Variants in IQGAP2 observed in about 807,000 individuals in gnomAD.
IQGAP2 encodes IQ motif containing GTPase activating protein 2.
In IQGAP2, 173 loss-of-function variants were observed where a neutral mutation model predicts 201.3. That is an observed-to-expected ratio of 0.86 (90% CI 0.76 to 0.98). The LOEUF is 0.98. Among genes scored for constraint, IQGAP2 ranks in the 50% least tolerant of loss-of-function variants. IQGAP2 has a pLI of 0.00. For synonymous variants in IQGAP2, 675 were observed against 673.9 expected, an observed-to-expected ratio of 1.00 and a Z score of -0.03; for missense variants, 1,687 against 1,864.8, an observed-to-expected ratio of 0.90 and a Z score of 1.76.
chr5:76,563,591 C>T (rs959362518), intron 3 of IQGAP2, among the ~76,000 whole-genome samples: 2 of 152,172 alleles, frequency 1.3e-5, no homozygotes, highest in African/African-American at 2.4e-5. Flanking sequence ...TAAAAGGCTC[C>T]TCCATTAGCA....
In IQGAP2 at chr5:76,403,932, G is replaced by T. The variant is rs1036640734; in HGVS notation, c.46+341G>T. ...GGAGTCCGCGGAGCTCCGGGTCGCC[G>T]CCGGCTTGGGCCAGGGGGTGGCGTA... On this transcript the variant is annotated intron_variant, in intron 1 of 35. Transcript: ENST00000274364. The surrounding 1 kb of genome is among the most constrained non-coding windows in gnomAD (Gnocchi z 4.8). Among the ~76,000 whole-genome samples, 1 of 152,176 alleles carries T rather than the reference G, an allele frequency of 6.6e-6. No individual in the cohort carries two copies. Among genetic ancestry groups the T allele is most frequent in the Non-Finnish European group, 1.5e-5 (1 of 68,014 alleles).
chr5:76,559,063 G>A (rs1040160532), intron 2 of IQGAP2, among the ~76,000 whole-genome samples: 2 of 152,234 alleles, frequency 1.3e-5, no homozygotes, highest in Middle Eastern at 6.8e-3. Context: ...ACCACGACCG[G>A]CTAATTTTTT....
At chr5:76,447,072 C>T (rs902337658) in intron 1 of IQGAP2, among the ~76,000 whole-genome samples, 2 of 152,180 alleles carry the variant, frequency 1.3e-5, no homozygotes, top group Non-Finnish European at 2.9e-5. Flanking sequence ...GGGGCATAGC[C>T]CAATTCAGCA....
intron 1 of IQGAP2, among the ~76,000 whole-genome samples, chr5:76,454,279 G>GAT (rs942437337): frequency 3.3e-5 from 5 of 151,218 alleles, no homozygotes; most frequent in African/African-American, 7.3e-5. Context: ...AAAGAAATTA[G>GAT]ATATATATAT....
chr5:76,702,649 C>A lies in IQGAP2; in HGVS notation c.4614+59C>A, dbSNP rs1044321026. On this transcript the variant is annotated intron_variant, in intron 35 of 35. Coordinates refer to ENST00000274364, the MANE Select transcript of IQGAP2 (RefSeq NM_006633.5). The stretch of plus-strand genomic sequence containing the variant: ...AATTTTATATGTGGATCATACATTG[C>A]TACCCTGGCTCTCTCTCTTCAGGAC... 2.8e-5 allele frequency: 22 copies of A among 782,684 alleles called. No homozygotes were observed. In the African/African-American group the frequency reaches 2.9e-4, roughly 10 times the overall value. 48.5% of individuals were successfully genotyped at this position (782,684 alleles called of 1,614,324 possible).
At chr5:76,558,207 G>A (rs1744083292) in intron 2 of IQGAP2, among the ~76,000 whole-genome samples, 1 of 151,920 alleles carries the variant, frequency 6.6e-6, no homozygotes, top group Admixed American at 6.6e-5. Context: ...TCATACTTCG[G>A]GGAGCTTTTA....
chr5:76,655,130 T>TG, intron 20 of IQGAP2, 127 bp downstream of exon 20: 1 of 649,478 alleles, frequency 1.5e-6, no homozygotes, highest in South Asian at 2.1e-5. Context: ...CAGTAGATTT[T>TG]GATCATCTCA....
At chr5:76,595,241 T>C (rs1450902370) in intron 9 of IQGAP2, among the ~76,000 whole-genome samples, 3 of 142,648 alleles carry the variant, frequency 2.1e-5, no homozygotes, top group Non-Finnish European at 4.6e-5. Context: ...TGCATTTCTT[T>C]GCTTTTTTTT....
intron 1 of IQGAP2, among the ~76,000 whole-genome samples, chr5:76,425,273 G>T (rs1285997515): frequency 1.3e-5 from 2 of 152,154 alleles, no homozygotes; most frequent in Non-Finnish European, 2.9e-5. Flanking sequence ...CCACTATTCT[G>T]GGAGACAGAT....
At chr5:76,618,510 A>C in intron 13 of IQGAP2, 1 of 1,614,156 alleles carries the variant, frequency 6.2e-7, no homozygotes, top group Non-Finnish European at 8.5e-7. Flanking sequence ...CTTAATTTTT[A>C]CAGTAATCGT....
intron 2 of IQGAP2, among the ~76,000 whole-genome samples, chr5:76,517,597 C>G (rs575867528): frequency 6.9e-6 from 1 of 144,386 alleles, no homozygotes; most frequent in Non-Finnish European, 1.5e-5. Flanking sequence ...AAAGTGAGAC[C>G]CTGTTTCAAA....
At chr5:76,475,709 G>A (rs1755375969) in intron 2 of IQGAP2, among the ~76,000 whole-genome samples, 1 of 152,130 alleles carries the variant, frequency 6.6e-6, no homozygotes, top group South Asian at 2.1e-4. Flanking sequence ...AACCTGTTTT[G>A]CTGGGATGGT....
Position 76,695,588 on chromosome 5 carries a change from G to A in IQGAP2, c.4128G>A (p.Arg1376=), listed in dbSNP as rs746149590. The change falls in exon 32 of 36, where the codon AGG becomes AGA. Residue 1376 remains arginine (R), a synonymous_variant. Transcript: ENST00000274364. The part of the protein sequence containing the change: ...PLEQKKRKIQ[R]NLRTLEQTGH... ...AGCAGAAGAAGAGGAAAATCCAGAG[G>A]AATCTTCGGACGTTGGAACAGACTG... 2 of 1,614,040 alleles carry A rather than the reference G, an allele frequency of 1.2e-6. No individual in the cohort carries two copies. Among genetic ancestry groups the A allele is most frequent in the African/African-American group, 2.7e-5 (2 of 74,918 alleles).
Position 76,552,112 on chromosome 5 carries a change from T to C in IQGAP2, c.147-10284T>C, listed in dbSNP as rs932646642. On this transcript the variant is annotated intron_variant, in intron 2 of 35. Coordinates refer to ENST00000274364, the MANE Select transcript of IQGAP2 (RefSeq NM_006633.5). Reference sequence around the variant, plus strand: ...CTTTAGGGACCATTCTTCCTTTTTCTTGAAGGATAATACATGCTCACACCC... The same window carrying C: ...CTTTAGGGACCATTCTTCCTTTTTCCTGAAGGATAATACATGCTCACACCC... Among the ~76,000 whole-genome samples, 4 of 152,192 alleles carry C rather than the reference T, an allele frequency of 2.6e-5. No homozygotes were observed. In the South Asian group the frequency reaches 8.3e-4, roughly 31 times the overall value.
At position 76,462,500 on chromosome 5, in the gene IQGAP2, A is replaced by C. The variant is rs568278554; in HGVS notation, c.146+831A>C. On this transcript the variant is annotated intron_variant, in intron 2 of 35. Coordinates refer to ENST00000274364, the MANE Select transcript of IQGAP2 (RefSeq NM_006633.5). Reference sequence around the variant, plus strand: ...TTTCCTCATGAGAGGAATTGAGAGAACTTTATCCTTTGTGGGGTGAATACT... The same window carrying C: ...TTTCCTCATGAGAGGAATTGAGAGACCTTTATCCTTTGTGGGGTGAATACT... Among the ~76,000 whole-genome samples, 12 of 152,328 alleles carry C rather than the reference A, an allele frequency of 7.9e-5. No homozygotes were observed. In the East Asian group the frequency reaches 2.3e-3, roughly 29 times the overall value.
rs567410789 is a variant in IQGAP2, at chr5:76,413,156, CTTTTTTTTTTTT to C, written c.46+9584_46+9595del. Among the ~76,000 whole-genome samples the C allele has an allele frequency of 3.9e-3, 324 of 83,620 alleles. 3 individuals are homozygous for C. Among genetic ancestry groups the C allele is most frequent in the South Asian group, 0.028 (64 of 2,312 alleles). The allele number at this position is 83,620 out of a possible 152,430, so 54.9% of individuals were successfully genotyped here. ...TATTTTCTTTTTTCTTTTCTTTTCT[CTTTTTTTTTTTT>C]TTTTTTTTTTTTTTTTTTGCGATGG... On this transcript the variant is annotated intron_variant, in intron 1 of 35. Coordinates refer to ENST00000274364, the MANE Select transcript of IQGAP2 (RefSeq NM_006633.5).
intron 5 of IQGAP2, among the ~76,000 whole-genome samples, chr5:76,579,173 AC>A (rs1489003524): frequency 1.3e-5 from 2 of 152,142 alleles, no homozygotes; most frequent in African/African-American, 4.8e-5. Flanking sequence ...ATTCTGTAAG[AC>A]CCATACTACA....
intron 1 of IQGAP2, among the ~76,000 whole-genome samples, chr5:76,430,238 CAG>C (rs1249814638): frequency 1.3e-5 from 1 of 78,908 alleles, no homozygotes; most frequent in Non-Finnish European, 2.9e-5. Context: ...GGAATCCAGA[CAG>C]GGCACAGTGG....
chr5:76,614,327 G>T (rs1381059228), intron 13 of IQGAP2, among the ~76,000 whole-genome samples: 1 of 152,118 alleles, frequency 6.6e-6, no homozygotes, highest in Non-Finnish European at 1.5e-5. Flanking sequence ...CATTGATATG[G>T]AGCCTAGGGA....
Sources: gnomAD v4.1 joint callset for allele counts (sites outside exome capture counted in the v4.1 genomes callset) on GRCh38, gnomAD v4.1.1 for gene constraint, Gnocchi (gnomAD v3.1) non-coding constraint, MANE v1.5 for transcripts, NCBI Gene and HGNC (gene_info 2026-07-23, HGNC 2026-07-21) for gene names.